The following TBCK variants were observed in gnomAD, a reference collection of about 807,000 sequenced individuals.
TBCK encodes TBC domain-containing protein kinase-like protein.
TBCK carries 99 observed loss-of-function variants against 113.4 expected under a neutral mutation model. The ratio of observed to expected loss-of-function variants is 0.87; its 90% CI spans 0.74 to 1.03. The LOEUF (loss-of-function observed/expected upper bound fraction) is 1.03, where lower values mean the gene tolerates loss of function less well. Ranked by LOEUF, TBCK falls within the 50% of genes least tolerant of loss-of-function variation. The pLI, the probability that TBCK is intolerant of heterozygous loss-of-function variation, is 0.00. For missense variants in TBCK, 1,045 were observed against 1,061.3 expected (o/e 0.98, Z 0.21); for synonymous variants, 369 against 370.8 (o/e 1.00, Z 0.05).
chr4:106,178,572 T>C (rs1014722132), intron 22 of TBCK, among the ~76,000 whole-genome samples: 1 of 152,006 alleles, frequency 6.6e-6, no homozygotes, highest in African/African-American at 2.4e-5. Flanking sequence ...ATTGAAAGAA[T>C]CATATGGGTT....
intron 2 of TBCK, among the ~76,000 whole-genome samples, chr4:106,303,572 G>A (rs1489513330): frequency 2.6e-5 from 4 of 152,058 alleles, no homozygotes; most frequent in Admixed American, 6.6e-5. Context: ...TCAACTGACT[G>A]AAGAGACCAT....
intron 23 of TBCK, among the ~76,000 whole-genome samples, chr4:106,132,581 G>C (rs1746082976): frequency 6.6e-6 from 1 of 152,230 alleles, no homozygotes; most frequent in South Asian, 2.1e-4. Flanking sequence ...ATGGAGCTGT[G>C]AGAAGAGGGC....
intron 23 of TBCK, among the ~76,000 whole-genome samples, chr4:106,140,167 C>T (rs921569874): frequency 1.4e-5 from 2 of 139,944 alleles, no homozygotes; most frequent in African/African-American, 5.0e-5. Flanking sequence ...TAATCTAAGA[C>T]AAGAAAAAGT....
rs376599844 is a variant in TBCK, at chr4:106,278,558, C to CAAAA, written c.267-16350_267-16347dup. Among the ~76,000 whole-genome samples the CAAAA allele has an allele frequency of 4.9e-3, 109 of 22,146 alleles. 12 individuals are homozygous for CAAAA. The highest frequency in any genetic ancestry group is 0.017 in the African/African-American group (103 of 5,988). The allele number at this position is 22,146 out of a possible 152,430, so 14.5% of individuals were successfully genotyped here. On this transcript the variant is annotated intron_variant, in intron 3 of 25. Coordinates refer to ENST00000394708, the MANE Select transcript of TBCK (RefSeq NM_001163435.3). ...TGGGCAACAGAGTGAAACTCTGTCT[C>CAAAA]AAAAAAAAAAAAAAAAAAAAAAAAA... is the stretch of plus-strand genomic sequence containing the variant.
At chr4:106,194,227 T>C (rs1300716981) in intron 21 of TBCK, among the ~76,000 whole-genome samples, 6 of 152,120 alleles carry the variant, frequency 3.9e-5, no homozygotes. Context: ...GGCCACTGCA[T>C]AAATATCTAC....
chr4:106,227,973 C>A (rs935450576), intron 19 of TBCK, among the ~76,000 whole-genome samples: 8 of 151,886 alleles, frequency 5.3e-5, no homozygotes, highest in African/African-American at 1.9e-4. Context: ...TTATGTTTAA[C>A]CTCTACAATA....
intron 22 of TBCK, among the ~76,000 whole-genome samples, chr4:106,192,158 G>A (rs946834133): frequency 1.3e-5 from 2 of 152,014 alleles, no homozygotes; most frequent in African/African-American, 2.4e-5. Context: ...TAACAGACAA[G>A]CAGAGTTGCC....
intron 3 of TBCK, among the ~76,000 whole-genome samples, chr4:106,286,088 A>T (rs1765082826): frequency 6.6e-6 from 1 of 152,248 alleles, no homozygotes; most frequent in African/African-American, 2.4e-5. Flanking sequence ...TATATTCCAA[A>T]ATGTACAAAG....
At chr4:106,311,615 G>A (rs987647572) in intron 1 of TBCK, among the ~76,000 whole-genome samples, 1 of 152,006 alleles carries the variant, frequency 6.6e-6, no homozygotes, top group Non-Finnish European at 1.5e-5. Flanking sequence ...TAAGGTTAGG[G>A]AAAAATTCAT....
intron 3 of TBCK, among the ~76,000 whole-genome samples, chr4:106,290,806 T>C (rs1765633817): frequency 6.6e-6 from 1 of 152,172 alleles, no homozygotes; most frequent in Non-Finnish European, 1.5e-5. Context: ...CTCTGCCTCC[T>C]GTCAGATCAG....
intron 23 of TBCK, among the ~76,000 whole-genome samples, chr4:106,132,741 A>G (rs1746103395): frequency 6.6e-6 from 1 of 152,200 alleles, no homozygotes; most frequent in Non-Finnish European, 1.5e-5. Context: ...GCCCAAGGCT[A>G]TGGGAGCACA....
chr4:106,236,901 A>G, intron 12 of TBCK, 93 bp from the exon 13 acceptor site: 1 of 612,776 alleles, frequency 1.6e-6, no homozygotes, highest in Non-Finnish European at 2.6e-6. Flanking sequence ...ACAACTATAA[A>G]TTTATAAAGG....
At chr4:106,222,217 A>C (rs1199742308) in intron 19 of TBCK, among the ~76,000 whole-genome samples, 4 of 152,022 alleles carry the variant, frequency 2.6e-5, no homozygotes, top group African/African-American at 9.7e-5. Context: ...TATAACTTTT[A>C]ATTTTTCCAA....
At chr4:106,155,690 G>A (rs1306944398) in intron 23 of TBCK, among the ~76,000 whole-genome samples, 2 of 151,984 alleles carry the variant, frequency 1.3e-5, no homozygotes, top group Non-Finnish European at 2.9e-5. Flanking sequence ...TCTTCAGTAT[G>A]CCAATTGCAC....
chr4:106,252,884 G>C (rs1761587054), intron 5 of TBCK, among the ~76,000 whole-genome samples: 1 of 152,044 alleles, frequency 6.6e-6, no homozygotes. Flanking sequence ...TAATACATGA[G>C]GGTGCCTATT....
At chr4:106,050,674 C>CA (rs1324117318) in intron 25 of TBCK, among the ~76,000 whole-genome samples, 2 of 151,972 alleles carry the variant, frequency 1.3e-5, no homozygotes, top group African/African-American at 2.4e-5. Context: ...CGTGGGTTGC[C>CA]ACTAAGGCCC....
chr4:106,216,096 C>T (rs1756874751), intron 19 of TBCK, among the ~76,000 whole-genome samples: 1 of 152,136 alleles, frequency 6.6e-6, no homozygotes, highest in Non-Finnish European at 1.5e-5. Flanking sequence ...GGAAACTGAA[C>T]AACCTCCTCC....
At chr4:106,128,536 A>G (rs1745497650) in intron 23 of TBCK, among the ~76,000 whole-genome samples, 1 of 152,212 alleles carries the variant, frequency 6.6e-6, no homozygotes, top group Admixed American at 6.5e-5. Context: ...TATAATAGAC[A>G]AAAGCTTACA....
chr4:106,224,864 A>C (rs1221497403), intron 19 of TBCK, among the ~76,000 whole-genome samples: 1 of 152,176 alleles, frequency 6.6e-6, no homozygotes, highest in Non-Finnish European at 1.5e-5. Context: ...AAATTCATCA[A>C]GTATCTTCCT....
Sources: gnomAD v4.1 joint callset for allele counts (sites outside exome capture counted in the v4.1 genomes callset) on GRCh38, gnomAD v4.1.1 for gene constraint, MANE v1.5 for transcripts, NCBI Gene and HGNC (gene_info 2026-07-23, HGNC 2026-07-21) for gene names.